Variants in ETFA observed in about 807,000 individuals in gnomAD.
The protein encoded by ETFA is electron transfer flavoprotein subunit alpha, mitochondrial.
ETFA carries 22 observed loss-of-function variants against 46.2 expected under a neutral mutation model. That is an observed-to-expected ratio of 0.48 (90% CI 0.34 to 0.68). ETFA has a LOEUF of 0.68. Among genes scored for constraint, ETFA ranks in the 30% least tolerant of loss-of-function variants. The pLI is 0.01. For missense variants in ETFA, 345 were observed against 401.1 expected (o/e 0.86, Z 1.19); for synonymous variants, 131 against 139.9 (o/e 0.94, Z 0.45).
intron 9 of ETFA, among the ~76,000 whole-genome samples, chr15:76,238,676 G>C (rs2039152005): frequency 6.6e-6 from 1 of 152,170 alleles, no homozygotes; most frequent in African/African-American, 2.4e-5. Context: ...ATGTGTCTTT[G>C]GGAAGTAGAT....
intron 8 of ETFA, among the ~76,000 whole-genome samples, chr15:76,279,026 A>C (rs1393774754): frequency 2.0e-5 from 3 of 152,140 alleles, no homozygotes; most frequent in Non-Finnish European, 1.5e-5. Context: ...GCATGTTATT[A>C]CCTGTCCCAG....
At chr15:76,304,036 T>C (rs2039910181) in intron 1 of ETFA, among the ~76,000 whole-genome samples, 1 of 152,182 alleles carries the variant, frequency 6.6e-6, no homozygotes, top group Non-Finnish European at 1.5e-5. Flanking sequence ...GGAATCAACC[T>C]AGATGCCCAT....
chr15:76,252,249 C>T (rs2039306031), intron 9 of ETFA, among the ~76,000 whole-genome samples: 1 of 152,158 alleles, frequency 6.6e-6, no homozygotes, highest in Admixed American at 6.6e-5. Context: ...GCTCACTGCA[C>T]CCTTGAACTC....
chr15:76,290,676 C>T (rs1175934947), intron 4 of ETFA, among the ~76,000 whole-genome samples: 1 of 152,120 alleles, frequency 6.6e-6, no homozygotes, highest in Non-Finnish European at 1.5e-5. Flanking sequence ...ATTCACAAAA[C>T]AATTCATGCC....
At chr15:76,235,098 C>A (rs892802778) in intron 9 of ETFA, among the ~76,000 whole-genome samples, 1 of 152,184 alleles carries the variant, frequency 6.6e-6, no homozygotes, top group African/African-American at 2.4e-5. Flanking sequence ...ATTCATGTAA[C>A]CTCTCTATGC....
chr15:76,273,318 G>A (rs1415202419), intron 9 of ETFA, among the ~76,000 whole-genome samples: 1 of 152,176 alleles, frequency 6.6e-6, no homozygotes, highest in Non-Finnish European at 1.5e-5. Flanking sequence ...CACTTTGGGA[G>A]GCCGAGGCAG....
chr15:76,273,605 A>T (rs1264197722), intron 9 of ETFA, among the ~76,000 whole-genome samples: 1 of 152,084 alleles, frequency 6.6e-6, no homozygotes, highest in African/African-American at 2.4e-5. Flanking sequence ...AAAAATAAAA[A>T]ATAAGCCTTG....
intron 7 of ETFA, 152 bp downstream of exon 7, chr15:76,285,485 T>C: frequency 1.7e-6 from 1 of 604,612 alleles, no homozygotes; most frequent in Non-Finnish European, 3.0e-6. Context: ...ATAATTTCAT[T>C]TTCCTAATTG....
chr15:76,255,514 T>A (rs2039338410), intron 9 of ETFA, among the ~76,000 whole-genome samples: 1 of 152,256 alleles, frequency 6.6e-6, no homozygotes, highest in Admixed American at 6.5e-5. Context: ...ATCATGGCAC[T>A]GTCACATTCC....
intron 9 of ETFA, among the ~76,000 whole-genome samples, chr15:76,232,090 C>A (rs1288289952): frequency 6.6e-6 from 1 of 152,012 alleles, no homozygotes; most frequent in African/African-American, 2.4e-5. Flanking sequence ...CAGAGCCTAA[C>A]AAAAAGGCCT....
intron 7 of ETFA, among the ~76,000 whole-genome samples, chr15:76,285,216 G>C (rs1350858704): frequency 6.6e-6 from 1 of 152,104 alleles, no homozygotes; most frequent in Non-Finnish European, 1.5e-5. Flanking sequence ...ACTTTTTAAA[G>C]AGTTATACAC....
intron 7 of ETFA, among the ~76,000 whole-genome samples, 200 bp from the exon 8 acceptor site, chr15:76,284,025 T>C (rs1413391362): frequency 6.6e-6 from 1 of 152,240 alleles, no homozygotes; most frequent in Non-Finnish European, 1.5e-5. Flanking sequence ...ATTACCTAGT[T>C]AACTAATTGT....
intron 11 of ETFA, among the ~76,000 whole-genome samples, chr15:76,224,461 C>T (rs1049665017): frequency 1.3e-5 from 2 of 152,234 alleles, no homozygotes; most frequent in African/African-American, 4.8e-5. Flanking sequence ...TCTTTGCATG[C>T]AGTCTGAGCC....
chr15:76,279,558 C>T (rs561811725), intron 8 of ETFA, among the ~76,000 whole-genome samples: 4 of 152,176 alleles, frequency 2.6e-5, no homozygotes, highest in Admixed American at 6.5e-5. Flanking sequence ...ATTACAGGTG[C>T]GAGTCACTGC....
intron 9 of ETFA, among the ~76,000 whole-genome samples, chr15:76,246,268 G>A (rs191508293): frequency 6.6e-6 from 1 of 152,156 alleles, no homozygotes; most frequent in Non-Finnish European, 1.5e-5. Context: ...CTACAGAGGG[G>A]TTAAGTGATT....
chr15:76,252,560 A>G (rs992029376), intron 9 of ETFA, among the ~76,000 whole-genome samples: 1 of 152,250 alleles, frequency 6.6e-6, no homozygotes, highest in African/African-American at 2.4e-5. Flanking sequence ...GATCTGCCTA[A>G]GACTGAGACT....
intron 1 of ETFA, among the ~76,000 whole-genome samples, 199 bp from the exon 2 acceptor site, chr15:76,295,936 C>CT (rs1157687784): frequency 0.016 from 746 of 46,564 alleles, 165 homozygotes; most frequent in African/African-American, 0.038. Flanking sequence ...CACTAATATT[C>CT]TTTTTTTTTT....
rs2038896112 is a variant in ETFA, at chr15:76,216,377, A to G, written c.*182T>C. On this transcript the variant is annotated 3_prime_UTR_variant, in exon 12 of 12. Transcript: ENST00000557943. Reference sequence around the variant, plus strand: ...CAAACAATAATTGTTTGGAACCACAAATAATTAAAAGGAAACACAGCAATC... The same window carrying G: ...CAAACAATAATTGTTTGGAACCACAGATAATTAAAAGGAAACACAGCAATC... The G allele has an allele frequency of 1.0e-5, 6 of 577,298 alleles. No homozygotes were observed. Among genetic ancestry groups the G allele is most frequent in the Non-Finnish European group, 1.8e-5 (6 of 327,388 alleles). 35.8% of individuals were successfully genotyped at this position (577,298 alleles called of 1,614,324 possible). A position where few individuals can be genotyped will look rare whatever the true frequency, so the allele number is the denominator to read the frequency against.
rs192561114 is a variant in ETFA, at chr15:76,259,850, G to A, written c.816+14562C>T. 7.7e-5 allele frequency: 114 copies of A among 1,482,660 alleles called. 1 individual carries two copies. In the East Asian group the frequency reaches 2.5e-3, roughly 33 times the overall value. The allele number at this position is 1,482,660 out of a possible 1,614,324, so 91.8% of individuals were successfully genotyped here. On this transcript the variant is annotated intron_variant, in intron 9 of 11. Coordinates refer to ENST00000557943, the MANE Select transcript of ETFA (RefSeq NM_000126.4). Reference sequence around the variant, plus strand: ...AAAGGGGTTCTCCCCAAGCCAGGAGGTGAGCAGGAAGGCGTGCAGGTCCCC... The same window carrying A: ...AAAGGGGTTCTCCCCAAGCCAGGAGATGAGCAGGAAGGCGTGCAGGTCCCC...
Sources: allele counts gnomAD v4.1 joint callset (sites outside exome capture counted in the v4.1 genomes callset), GRCh38; gene constraint gnomAD v4.1.1; transcripts MANE v1.5; gene names NCBI Gene and HGNC (gene_info 2026-07-23, HGNC 2026-07-21).